PTPRD: variants seen among roughly 807,000 people sequenced by gnomAD.
PTPRD encodes the protein protein tyrosine phosphatase receptor type D.
A neutral mutation model predicts 214.5 loss-of-function variants in PTPRD; 34 were observed. That is an observed-to-expected ratio of 0.16 (90% CI 0.12 to 0.21). PTPRD has a LOEUF of 0.21. PTPRD is among the 10% of genes least tolerant of loss of function. The pLI is 1.00. For synonymous variants in PTPRD, 1,128 were observed against 845.7 expected (o/e 1.33, Z -5.79); for missense variants, 2,545 against 2,398.7 (o/e 1.06, Z -1.27).
At chr9:9,996,328 T>C (rs191825568) in intron 4 of PTPRD, among the ~76,000 whole-genome samples, 269 of 152,294 alleles carry the variant, frequency 1.8e-3, no homozygotes, top group Middle Eastern at 6.8e-3. Context: ...TAGTAATTTG[T>C]TACACAATAT....
At chr9:8,568,520 A>C (rs538127595) in intron 14 of PTPRD, among the ~76,000 whole-genome samples, 1 of 152,298 alleles carries the variant, frequency 6.6e-6, no homozygotes, top group East Asian at 1.9e-4. Flanking sequence ...AAGTTTTGAA[A>C]GGCTGATTAT....
chr9:9,264,851 C>T (rs547220922), intron 9 of PTPRD, among the ~76,000 whole-genome samples: 6 of 150,660 alleles, frequency 4.0e-5, no homozygotes, highest in Non-Finnish European at 7.4e-5. Context: ...TCAGCAGAAG[C>T]CTTGCAGGCC....
chr9:9,083,505 T>C (rs563696484), intron 10 of PTPRD, among the ~76,000 whole-genome samples: 1 of 152,142 alleles, frequency 6.6e-6, no homozygotes, highest in African/African-American at 2.4e-5. Context: ...TAAGGCTTCA[T>C]GACTAAAACA....
intron 2 of PTPRD, among the ~76,000 whole-genome samples, chr9:10,509,150 T>C (rs997514310): frequency 6.6e-6 from 1 of 152,032 alleles, no homozygotes; most frequent in Non-Finnish European, 1.5e-5. Context: ...CAGGTAAACT[T>C]TGACCTACTT....
chr9:8,814,647 T>C lies in PTPRD; in HGVS notation c.-103-80701A>G, dbSNP rs146846595. 5.4e-3 allele frequency among the ~76,000 whole-genome samples: 824 copies of C among 152,104 alleles called. 24 individuals carry two copies. The highest frequency in any genetic ancestry group is 0.041 in the Admixed American group (633 of 15,284). On this transcript the variant is annotated intron_variant, in intron 11 of 45. Transcript: ENST00000381196. Reference sequence around the variant, plus strand: ...GCAGAGATAAAAACAAGGGCATGAGTTTGGAGAGCACAAACCATCTGTGAC... The same window carrying C: ...GCAGAGATAAAAACAAGGGCATGAGCTTGGAGAGCACAAACCATCTGTGAC...
In PTPRD at chr9:10,267,892, A is replaced by G. The variant is rs532308121; in HGVS notation, c.-545+73071T>C. On this transcript the variant is annotated intron_variant, in intron 3 of 45. Coordinates refer to ENST00000381196, the MANE Select transcript of PTPRD (RefSeq NM_002839.4). ...TAGGTGAATACAGTAAAAGTGAAAT[A>G]AAAATCACACATATCTAATGATCTT... 2.4e-3 allele frequency among the ~76,000 whole-genome samples: 368 copies of G among 152,312 alleles called. 18 individuals are homozygous for G. The South Asian group carries it at 0.066, about 27-fold the overall frequency.
intron 2 of PTPRD, among the ~76,000 whole-genome samples, chr9:10,589,864 A>T (rs1046574663): frequency 6.6e-6 from 1 of 152,094 alleles, no homozygotes; most frequent in African/African-American, 2.4e-5. Flanking sequence ...AACGCCTAAG[A>T]ATATTTAGCA....
chr9:8,979,289 A>C (rs1293611765), intron 11 of PTPRD, among the ~76,000 whole-genome samples: 2 of 152,144 alleles, frequency 1.3e-5, no homozygotes, highest in East Asian at 3.9e-4. Context: ...CTAACAGATA[A>C]TAATATCATG....
At chr9:8,925,074 C>A (rs2098863232) in intron 11 of PTPRD, among the ~76,000 whole-genome samples, 1 of 152,110 alleles carries the variant, frequency 6.6e-6, no homozygotes, top group Admixed American at 6.6e-5. Context: ...CTTTTTACAG[C>A]CATTTAAATG....
intron 11 of PTPRD, among the ~76,000 whole-genome samples, chr9:8,905,037 A>G (rs2098697859): frequency 6.6e-6 from 1 of 152,212 alleles, no homozygotes; most frequent in Non-Finnish European, 1.5e-5. Context: ...CAAGATTTAA[A>G]TGACACAAAT....
At chr9:10,123,814 C>T (rs1374426431) in intron 3 of PTPRD, among the ~76,000 whole-genome samples, 1 of 152,160 alleles carries the variant, frequency 6.6e-6, no homozygotes, top group Non-Finnish European at 1.5e-5. Context: ...TTATGGCTTA[C>T]ACTGTTAGGT....
chr9:9,470,446 T>C (rs78362989), intron 8 of PTPRD, among the ~76,000 whole-genome samples: 21 of 152,216 alleles, frequency 1.4e-4, no homozygotes, highest in African/African-American at 5.1e-4. Context: ...AGCAGAAACT[T>C]TGAATTCTTT....
intron 8 of PTPRD, among the ~76,000 whole-genome samples, chr9:9,428,329 T>C (rs1169938964): frequency 6.6e-6 from 1 of 152,048 alleles, no homozygotes; most frequent in Non-Finnish European, 1.5e-5. Context: ...CATTACATAA[T>C]GGTAAAGGGA....
intron 2 of PTPRD, among the ~76,000 whole-genome samples, chr9:10,483,504 A>C (rs2099113637): frequency 6.6e-6 from 1 of 150,974 alleles, no homozygotes. Context: ...TACAGAATGA[A>C]AAAAAAAATT....
chr9:9,860,654 T>C lies in PTPRD; in HGVS notation c.-368+77853A>G, dbSNP rs117421056. ...TGAAGGAAAACAGGCAAAAGCTAGA[T>C]TGAATGGTGAAGCAGAATATGTCAA... On this transcript the variant is annotated intron_variant, in intron 5 of 45. Coordinates refer to ENST00000381196, the MANE Select transcript of PTPRD (RefSeq NM_002839.4). Among the ~76,000 whole-genome samples the C allele has an allele frequency of 2.6e-5, 4 of 152,268 alleles. No homozygotes were observed. The East Asian group carries it at 5.8e-4, about 22-fold the overall frequency.
chr9:9,423,178 G>C (rs969467493), intron 8 of PTPRD, among the ~76,000 whole-genome samples: 22 of 152,144 alleles, frequency 1.4e-4, no homozygotes, highest in Admixed American at 3.9e-4. Flanking sequence ...ACAATGTCCA[G>C]TATATGAAAT....
intron 9 of PTPRD, among the ~76,000 whole-genome samples, chr9:9,244,751 A>C (rs957113191): frequency 1.3e-5 from 2 of 152,118 alleles, no homozygotes; most frequent in African/African-American, 4.8e-5. Flanking sequence ...CTAAAACACC[A>C]AAAGCAATGG....
intron 33 of PTPRD, 50 bp from the exon 34 acceptor site, chr9:8,449,887 C>A: frequency 1.9e-6 from 3 of 1,577,310 alleles, no homozygotes; most frequent in Non-Finnish European, 2.6e-6. Context: ...TCAATTGAAA[C>A]AGATAGAAAA....
At chr9:8,847,563 G>T (rs1018361689) in intron 11 of PTPRD, among the ~76,000 whole-genome samples, 5 of 152,088 alleles carry the variant, frequency 3.3e-5, no homozygotes, top group African/African-American at 4.8e-5. Context: ...AATTTTCCAT[G>T]TAACTTTATT....
Sources: allele counts gnomAD v4.1 joint callset (sites outside exome capture counted in the v4.1 genomes callset), GRCh38; gene constraint gnomAD v4.1.1; transcripts MANE v1.5; gene names NCBI Gene and HGNC (gene_info 2026-07-23, HGNC 2026-07-21).